KHDRBS2: variants seen among roughly 807,000 people sequenced by gnomAD.
The protein encoded by KHDRBS2 is KH RNA binding domain containing, signal transduction associated 2.
KHDRBS2 carries 26 observed loss-of-function variants against 44.3 expected under a neutral mutation model. The observed-to-expected ratio is 0.59, with a 90% CI of 0.43 to 0.81. The LOEUF (loss-of-function observed/expected upper bound fraction) is 0.81. Ranked by LOEUF, KHDRBS2 falls within the 40% of genes least tolerant of loss-of-function variation. The probability of loss-of-function intolerance (pLI) is 0.00; values close to 1 mark genes in which losing one functional copy is unlikely to be tolerated. For synonymous variants in KHDRBS2, 194 were observed against 151.1 expected (o/e 1.28, Z -2.08); for missense variants, 476 against 433.1 (o/e 1.10, Z -0.88).
chr6:62,217,139 A>G (rs541009862), intron 1 of KHDRBS2, among the ~76,000 whole-genome samples: 1 of 151,856 alleles, frequency 6.6e-6, no homozygotes, highest in East Asian at 1.9e-4. Context: ...AATTCAGAGA[A>G]TAATGCATGT....
chr6:61,963,621 A>C (rs2127394536), intron 4 of KHDRBS2, among the ~76,000 whole-genome samples: 1 of 152,168 alleles, frequency 6.6e-6, no homozygotes, highest in African/African-American at 2.4e-5. Context: ...TTTCCAATAG[A>C]ACACTCTGTG....
intron 4 of KHDRBS2, among the ~76,000 whole-genome samples, chr6:61,975,653 G>GCACA (rs567222441): frequency 0.029 from 2,531 of 88,386 alleles, 66 homozygotes; most frequent in African/African-American, 0.075. Context: ...TAAGCAAGAT[G>GCACA]CACACACACA....
At chr6:61,715,790 T>C (rs1336068476) in intron 7 of KHDRBS2, among the ~76,000 whole-genome samples, 16 of 116,098 alleles carry the variant, frequency 1.4e-4, no homozygotes, top group Non-Finnish European at 2.2e-4. Context: ...TCCTGTATAC[T>C]GAGTTTTTTT....
intron 4 of KHDRBS2, among the ~76,000 whole-genome samples, chr6:61,935,884 A>G (rs1810926896): frequency 6.6e-6 from 1 of 152,160 alleles, no homozygotes; most frequent in Non-Finnish European, 1.5e-5. Flanking sequence ...CAATCTCATC[A>G]TATTGATTTC....
chr6:61,848,541 GTATATATATACATA>G (rs1283388140), intron 6 of KHDRBS2, among the ~76,000 whole-genome samples: 1 of 33,330 alleles, frequency 3.0e-5, no homozygotes, highest in African/African-American at 1.5e-4. Flanking sequence ...ACATATATAT[GTATATATATACATA>G]TATATATGTA....
chr6:62,276,691 TATA>T (rs1463951252), intron 1 of KHDRBS2, among the ~76,000 whole-genome samples: 1 of 152,242 alleles, frequency 6.6e-6, no homozygotes, highest in Non-Finnish European at 1.5e-5. Flanking sequence ...TATGATATCA[TATA>T]ATAATTCATC....
chr6:62,008,946 C>G (rs1410196411), intron 3 of KHDRBS2, among the ~76,000 whole-genome samples: 1 of 151,924 alleles, frequency 6.6e-6, no homozygotes, highest in Middle Eastern at 3.2e-3. Context: ...TGAAAACGGG[C>G]TAATAGAGTA....
intron 1 of KHDRBS2, among the ~76,000 whole-genome samples, chr6:62,189,888 G>C (rs1311148827): frequency 6.6e-6 from 1 of 152,162 alleles, no homozygotes; most frequent in East Asian, 1.9e-4. Context: ...ACTTAGGTGA[G>C]ACCTAATAAG....
Position 62,285,934 on chromosome 6 carries a change from T to C in KHDRBS2, c.15A>G (p.Lys5=), listed in dbSNP as rs1161523588. ...TCTCTGCCATCAGCTCAGGCAAATA[T>C]TTCTCCTCTTCCATAGCGCGGACTT... MEEE[K]YLPELMAEKD... The change falls in exon 1 of 9, where the codon AAA becomes AAG. Residue 5 remains lysine, a synonymous_variant. Coordinates refer to ENST00000281156, the MANE Select transcript of KHDRBS2 (RefSeq NM_152688.4). The C allele has an allele frequency of 1.2e-6, 2 of 1,611,516 alleles. No homozygotes were observed. Among genetic ancestry groups the C allele is most frequent in the South Asian group, 1.1e-5 (1 of 90,930 alleles).
rs138544634 is a variant in KHDRBS2 at position 61,854,706 on chromosome 6, A to G, written c.810+39929T>C. On this transcript the variant is annotated intron_variant, in intron 6 of 8. Transcript: ENST00000281156. The stretch of plus-strand genomic sequence containing the variant: ...GAAACACCAAAGTTATTTACAGAAT[A>G]GATTGCTTTTGAAGATGAAACAGAA... 4.6e-3 allele frequency among the ~76,000 whole-genome samples: 705 copies of G among 152,314 alleles called. 10 individuals carry two copies. Among genetic ancestry groups the G allele is most frequent in the African/African-American group, 0.016 (664 of 41,572 alleles).
chr6:61,776,655 T>C (rs771847633), intron 6 of KHDRBS2, among the ~76,000 whole-genome samples: 3 of 152,176 alleles, frequency 2.0e-5, no homozygotes, highest in Non-Finnish European at 4.4e-5. Flanking sequence ...CTGGAGAGGA[T>C]GTGAAGAAAT....
At chr6:62,007,747 C>T (rs891469504) in intron 3 of KHDRBS2, among the ~76,000 whole-genome samples, 3 of 151,988 alleles carry the variant, frequency 2.0e-5, no homozygotes, top group African/African-American at 7.2e-5. Context: ...AACGAGGAGG[C>T]TTTTCACAAA....
chr6:62,013,420 T>C (rs79908070), intron 3 of KHDRBS2, among the ~76,000 whole-genome samples: 4,351 of 152,130 alleles, frequency 0.029, 217 homozygotes, highest in African/African-American at 0.098. Context: ...TTGATCAAAC[T>C]GAAATGGAAA....
At chr6:61,843,043 C>T (rs1793827496) in intron 6 of KHDRBS2, among the ~76,000 whole-genome samples, 1 of 151,204 alleles carries the variant, frequency 6.6e-6, no homozygotes, top group Non-Finnish European at 1.5e-5. Context: ...AATTCATGAG[C>T]CTTGAAAAAA....
intron 6 of KHDRBS2, among the ~76,000 whole-genome samples, chr6:61,859,767 C>T (rs1562318246): frequency 1.3e-5 from 2 of 151,722 alleles, no homozygotes; most frequent in Non-Finnish European, 2.9e-5. Flanking sequence ...GTATATTTAA[C>T]ATATGTATAT....
At chr6:61,768,249 T>C (rs1224663328) in intron 6 of KHDRBS2, among the ~76,000 whole-genome samples, 1 of 152,142 alleles carries the variant, frequency 6.6e-6, no homozygotes, top group Non-Finnish European at 1.5e-5. Flanking sequence ...CCTTTGCATG[T>C]TGTGTCTGTA....
At chr6:61,828,879 T>G (rs1708226506) in intron 6 of KHDRBS2, among the ~76,000 whole-genome samples, 1 of 152,248 alleles carries the variant, frequency 6.6e-6, no homozygotes, top group South Asian at 2.1e-4. Flanking sequence ...ATGCTTCACA[T>G]TAGTTTGTCA....
chr6:61,957,261 G>C (rs1206173566), intron 4 of KHDRBS2, among the ~76,000 whole-genome samples: 1 of 152,066 alleles, frequency 6.6e-6, no homozygotes, highest in Non-Finnish European at 1.5e-5. Flanking sequence ...ACAAATTGTA[G>C]AGCATGTGTG....
chr6:61,579,287 G>C, the KHDRBS2 span, among the ~76,000 whole-genome samples: 1 of 152,124 alleles, frequency 6.6e-6, no homozygotes, highest in Non-Finnish European at 1.5e-5. Flanking sequence ...TCCGTGTCTG[G>C]AAATGCTGGT....
Sources: gnomAD v4.1 joint callset for allele counts (sites outside exome capture counted in the v4.1 genomes callset) on GRCh38, gnomAD v4.1.1 for gene constraint, MANE v1.5 for transcripts, NCBI Gene and HGNC (gene_info 2026-07-23, HGNC 2026-07-21) for gene names.